Variants in IQGAP1 observed in about 807,000 individuals in gnomAD.
IQGAP1 encodes ras GTPase-activating-like protein IQGAP1.
In IQGAP1, 66 loss-of-function variants were observed where a neutral mutation model predicts 215.6. The ratio of observed to expected loss-of-function variants is 0.31; its 90% CI spans 0.25 to 0.38. The LOEUF (loss-of-function observed/expected upper bound fraction) is 0.38, where lower values mean the gene tolerates loss of function less well. Among genes scored for constraint, IQGAP1 ranks in the 10% least tolerant of loss-of-function variants. The probability of loss-of-function intolerance (pLI) is 1.00; values close to 1 mark genes in which losing one functional copy is unlikely to be tolerated. For missense variants in IQGAP1, 1,712 were observed against 1,997.1 expected (o/e 0.86, Z 2.72); for synonymous variants, 772 against 728.7 (o/e 1.06, Z -0.96).
chr15:90,430,808 G>A (rs927051609), intron 4 of IQGAP1, among the ~76,000 whole-genome samples: 4 of 151,546 alleles, frequency 2.6e-5, no homozygotes, highest in Non-Finnish European at 5.9e-5. Flanking sequence ...GTATCAGAAG[G>A]TGGCTAAAAC....
In IQGAP1 at chr15:90,456,177, T is replaced by C. The variant is rs1347970100; in HGVS notation, c.1638T>C (p.Asn546=). ...HERILAIGLI[N]EALDEGDAQK... ...GGATTTTAGCCATTGGTTTAATTAA[T>C]GAAGCCCTGGATGAAGGTGATGCCC... Residue 546 remains asparagine (N), a synonymous_variant, in exon 15 of 38, where the codon AAT becomes AAC. Transcript: ENST00000268182. 6.2e-7 allele frequency: 1 copy of C among 1,614,042 alleles called. No individual in the cohort carries two copies. Among genetic ancestry groups the C allele is most frequent in the Non-Finnish European group, 8.5e-7 (1 of 1,179,950 alleles).
At chr15:90,452,736 C>CT (rs778093056) in intron 11 of IQGAP1, 39 bp from the exon 12 acceptor site, 1 of 1,606,202 alleles carries the variant, frequency 6.2e-7, no homozygotes. Context: ...TGAGGGCTCT[C>CT]TAAGCCCACT....
At chr15:90,466,134 G>T in intron 16 of IQGAP1, 43 bp downstream of exon 16, 1 of 1,596,060 alleles carries the variant, frequency 6.3e-7, no homozygotes. Flanking sequence ...GGAGGCTGGG[G>T]TGACAAGGTG....
intron 2 of IQGAP1, among the ~76,000 whole-genome samples, chr15:90,417,488 G>T (rs60778689): frequency 0.18 from 27,905 of 151,952 alleles, 2,665 homozygotes; most frequent in South Asian, 0.23. Context: ...TTCTTGTTTT[G>T]GTCAGGTTTG....
At chr15:90,403,052 C>A (rs1033736611) in intron 2 of IQGAP1, among the ~76,000 whole-genome samples, 1 of 152,110 alleles carries the variant, frequency 6.6e-6, no homozygotes, top group African/African-American at 2.4e-5. Flanking sequence ...GGGAGGATAG[C>A]ATCAGGCCAG....
rs566123502 is a variant in IQGAP1 at position 90,466,262 on chromosome 15, G to C, written c.1868-7G>C. 1.2e-6 allele frequency: 2 copies of C among 1,613,686 alleles called. No homozygotes were observed. Among genetic ancestry groups the C allele is most frequent in the Non-Finnish European group, 1.7e-6 (2 of 1,179,742 alleles). On this transcript the variant is annotated splice_region_variant and splice_polypyrimidine_tract_variant and intron_variant, in intron 16 of 37. Transcript: ENST00000268182. ...ACTATTCTGGTAACAGTTCTTTCCC[G>C]AAATAGTTGCCTTAGGAATCTTTGC...
intron 33 of IQGAP1, among the ~76,000 whole-genome samples, chr15:90,489,890 T>C (rs748212154): frequency 6.6e-6 from 1 of 152,208 alleles, no homozygotes; most frequent in Non-Finnish European, 1.5e-5. Context: ...AATATTCCCA[T>C]GAGTCGAGTC....
rs1359036612 is a variant in IQGAP1, at chr15:90,473,818, G to T, written c.2433+20G>T. ...GTAAAGGTATGGTAGCCTGAACAGGGTTTCTCCATGAGGGGCACAGGTATA... is the reference window on the plus strand; with the variant it reads ...GTAAAGGTATGGTAGCCTGAACAGGTTTTCTCCATGAGGGGCACAGGTATA... On this transcript the variant is annotated intron_variant, in intron 20 of 37. Coordinates refer to ENST00000268182, the MANE Select transcript of IQGAP1 (RefSeq NM_003870.4). 6.2e-7 allele frequency: 1 copy of T among 1,611,780 alleles called. No individual in the cohort carries two copies.
intron 32 of IQGAP1, 120 bp downstream of exon 32, chr15:90,487,209 TC>T (rs1251245404): frequency 9.9e-5 from 94 of 954,182 alleles, no homozygotes; most frequent in Non-Finnish European, 1.5e-4. Context: ...CTTGTCATAA[TC>T]CCAGTCACCA....
chr15:90,441,765 T>C, intron 8 of IQGAP1, 81 bp downstream of exon 8: 2 of 994,378 alleles, frequency 2.0e-6, no homozygotes, highest in Non-Finnish European at 3.0e-6. Flanking sequence ...ACATCAGTTT[T>C]ATTGAGATGC....
intron 18 of IQGAP1, among the ~76,000 whole-genome samples, chr15:90,469,355 C>T (rs1965874262): frequency 6.6e-6 from 1 of 152,190 alleles, no homozygotes; most frequent in Non-Finnish European, 1.5e-5. Context: ...AAAAATACAC[C>T]TGTGGAAAAA....
rs777219059 is a variant in IQGAP1, at chr15:90,448,572, G to T, written c.914-1G>T. 1.3e-6 allele frequency: 2 copies of T among 1,571,272 alleles called. No individual in the cohort carries two copies. The highest frequency in any genetic ancestry group is 1.7e-6 in the Non-Finnish European group (2 of 1,159,578). On this transcript the variant is annotated splice_acceptor_variant, in intron 9 of 37. Coordinates refer to ENST00000268182, the MANE Select transcript of IQGAP1 (RefSeq NM_003870.4). LOFTEE classifies it high-confidence loss of function. ...CACAAGCTTTTGCCTTTTTTCCTCA[G>T]CATTTTCTGCATTAGCAAATATCGA... is the stretch of plus-strand genomic sequence containing the variant.
intron 2 of IQGAP1, chr15:90,391,427 C>G (rs1964634647): frequency 6.6e-6 from 1 of 152,232 alleles, no homozygotes; most frequent in African/African-American, 2.4e-5. Context: ...ATTGTTCAGT[C>G]TTATGCTTAT....
chr15:90,466,435 A>G lies in IQGAP1; in HGVS notation c.2034A>G (p.Val678=). 1 of 1,614,078 alleles carries G rather than the reference A, an allele frequency of 6.2e-7. No homozygotes were observed. Among genetic ancestry groups the G allele is most frequent in the Non-Finnish European group, 8.5e-7 (1 of 1,179,974 alleles). The stretch of plus-strand genomic sequence containing the variant: ...AAGCCAAGAAGAAAAAACTGGCAGT[A>G]GGTGAGTTCTGGGATAATACATATG... ...LAEAKKKKLA[V]GDNNSKWVKH... The change falls in exon 17 of 38, where the codon GTA becomes GTG. Residue 678 remains valine, a splice_region_variant and synonymous_variant. Transcript: ENST00000268182.
chr15:90,490,400 G>A (rs956265796), intron 33 of IQGAP1, among the ~76,000 whole-genome samples: 4 of 152,220 alleles, frequency 2.6e-5, no homozygotes, highest in African/African-American at 9.6e-5. Flanking sequence ...AGTGCTGAAA[G>A]AACGAAACAG....
intron 33 of IQGAP1, among the ~76,000 whole-genome samples, chr15:90,491,109 C>T (rs1444480602): frequency 6.6e-6 from 1 of 152,090 alleles, no homozygotes; most frequent in Non-Finnish European, 1.5e-5. Context: ...GCGCCTAGCC[C>T]AGTTGTGTGA....
At chr15:90,426,433 T>G (rs1360568506) in intron 3 of IQGAP1, among the ~76,000 whole-genome samples, 167 bp downstream of exon 3, 2 of 152,196 alleles carry the variant, frequency 1.3e-5, no homozygotes, top group Non-Finnish European at 2.9e-5. Flanking sequence ...AAAGGCAATA[T>G]GTACTAGGCA....
intron 13 of IQGAP1, 103 bp from the exon 14 acceptor site, chr15:90,454,325 C>G (rs1293679823): frequency 7.1e-7 from 1 of 1,408,668 alleles, no homozygotes; most frequent in Non-Finnish European, 9.9e-7. Context: ...CAAAACTGGT[C>G]TTGAGAATAT....
At chr15:90,435,715 A>G (rs963227532) in intron 5 of IQGAP1, among the ~76,000 whole-genome samples, 4 of 152,216 alleles carry the variant, frequency 2.6e-5, no homozygotes, top group African/African-American at 9.6e-5. Context: ...TAGAGCCTAA[A>G]GAATTAACTA....
Sources: allele counts gnomAD v4.1 joint callset (sites outside exome capture counted in the v4.1 genomes callset), GRCh38; gene constraint gnomAD v4.1.1; transcripts MANE v1.5; gene names NCBI Gene and HGNC (gene_info 2026-07-23, HGNC 2026-07-21).